The following NXPH1 variants were observed in gnomAD, a reference collection of about 807,000 sequenced individuals.
NXPH1 encodes the protein neurexophilin-1.
Under a neutral mutation model 23.7 loss-of-function variants are expected in NXPH1, and 5 were observed. That is an observed-to-expected ratio of 0.21 (90% CI 0.11 to 0.44). The LOEUF is 0.44. NXPH1 is among the 20% of genes least tolerant of loss of function. The pLI, the probability that NXPH1 is intolerant of heterozygous loss-of-function variation, is 0.99. For missense variants in NXPH1, 324 were observed against 321.6 expected, an observed-to-expected ratio of 1.01 and a Z score of -0.06; for synonymous variants, 144 against 122.2, an observed-to-expected ratio of 1.18 and a Z score of -1.18.
At chr7:8,748,686 C>T (rs1218930291) in intron 2 of NXPH1, among the ~76,000 whole-genome samples, 2 of 152,188 alleles carry the variant, frequency 1.3e-5, no homozygotes, top group African/African-American at 2.4e-5. Flanking sequence ...TGTACTCGAG[C>T]TAGCAGCCTC....
chr7:8,606,784 T>A (rs1819501956), intron 2 of NXPH1, among the ~76,000 whole-genome samples: 1 of 152,178 alleles, frequency 6.6e-6, no homozygotes, highest in African/African-American at 2.4e-5. Flanking sequence ...CAGAATGATA[T>A]TTGTAAATCA....
intron 2 of NXPH1, among the ~76,000 whole-genome samples, chr7:8,604,526 T>A (rs1383050941): frequency 3.9e-5 from 6 of 152,156 alleles, no homozygotes; most frequent in Admixed American, 1.3e-4. Context: ...ACATTTTTGG[T>A]TAAAATTGAC....
intron 2 of NXPH1, among the ~76,000 whole-genome samples, chr7:8,478,791 T>G (rs1313512745): frequency 6.6e-6 from 1 of 152,118 alleles, no homozygotes; most frequent in African/African-American, 2.4e-5. Flanking sequence ...TAGATTATTA[T>G]CAGACTTTTT....
At chr7:8,575,980 T>C (rs1237423337) in intron 2 of NXPH1, among the ~76,000 whole-genome samples, 1 of 152,168 alleles carries the variant, frequency 6.6e-6, no homozygotes, top group Non-Finnish European at 1.5e-5. Flanking sequence ...TCAAGATTAT[T>C]AGAGAGATTT....
At chr7:8,441,908 G>A (rs1448167989) in intron 2 of NXPH1, among the ~76,000 whole-genome samples, 1 of 151,406 alleles carries the variant, frequency 6.6e-6, no homozygotes, top group Admixed American at 6.6e-5. Flanking sequence ...TATTGATTGC[G>A]GAGGTGGGAG....
rs771216304 is a variant in NXPH1, at chr7:8,733,615, C to T, written c.55-17393C>T. 3.9e-5 allele frequency among the ~76,000 whole-genome samples: 6 copies of T among 152,116 alleles called. 1 individual carries two copies. The highest frequency in any genetic ancestry group is 4.1e-4 in the South Asian group (2 of 4,824). On this transcript the variant is annotated intron_variant, in intron 2 of 2. Coordinates refer to ENST00000405863, the MANE Select transcript of NXPH1 (RefSeq NM_152745.3). ...GTATCTCATTGTGGTTTTTAATTTG[C>T]ATTTCTCTAATGACCAGTGATGAGC... is the stretch of plus-strand genomic sequence containing the variant.
intron 2 of NXPH1, among the ~76,000 whole-genome samples, chr7:8,671,772 G>A (rs1372160694): frequency 6.6e-6 from 1 of 152,140 alleles, no homozygotes; most frequent in African/African-American, 2.4e-5. Context: ...AGTGTTTTAG[G>A]ATGGAATGAA....
rs567969913 is a variant in NXPH1, at chr7:8,601,819, A to C, written c.55-149189A>C. ...TCCTGTAACTCAGAGCCACAATGCT[A>C]TTCTAGGACCAGACTGCAGGATATT... On this transcript the variant is annotated intron_variant, in intron 2 of 2. Transcript: ENST00000405863. 7.9e-5 allele frequency among the ~76,000 whole-genome samples: 12 copies of C among 152,308 alleles called. No homozygotes were observed. In the Middle Eastern group the frequency reaches 0.01, roughly 130 times the overall value.
intron 2 of NXPH1, among the ~76,000 whole-genome samples, chr7:8,609,778 A>G (rs1353524549): frequency 6.6e-6 from 1 of 152,190 alleles, no homozygotes; most frequent in Non-Finnish European, 1.5e-5. Flanking sequence ...ATTTTTGTCT[A>G]TTAATTTTAA....
chr7:8,639,069 C>T (rs1011958939), intron 2 of NXPH1, among the ~76,000 whole-genome samples: 3 of 152,036 alleles, frequency 2.0e-5, no homozygotes, highest in Non-Finnish European at 4.4e-5. Context: ...GGCAAGCAGT[C>T]GATTACTGGT....
intron 2 of NXPH1, among the ~76,000 whole-genome samples, chr7:8,540,270 G>C (rs1432367080): frequency 6.6e-6 from 1 of 151,776 alleles, no homozygotes; most frequent in Middle Eastern, 3.2e-3. Context: ...GAATCTGAAA[G>C]AAGTAATCCA....
chr7:8,708,408 T>TAC (rs1236512921), intron 2 of NXPH1, among the ~76,000 whole-genome samples: 1 of 152,196 alleles, frequency 6.6e-6, no homozygotes, highest in African/African-American at 2.4e-5. Context: ...TTGCTCAGGC[T>TAC]ACAGTACAAT....
At chr7:8,671,993 A>G (rs1166467809) in intron 2 of NXPH1, among the ~76,000 whole-genome samples, 1 of 152,070 alleles carries the variant, frequency 6.6e-6, no homozygotes, top group African/African-American at 2.4e-5. Flanking sequence ...TAGATTCTGG[A>G]TATTAGCCCT....
chr7:8,660,164 A>G (rs1274877159), intron 2 of NXPH1, among the ~76,000 whole-genome samples: 2 of 152,246 alleles, frequency 1.3e-5, no homozygotes, highest in East Asian at 3.8e-4. Flanking sequence ...AATATTTTAT[A>G]TAAATTATTT....
At chr7:8,523,246 C>T (rs574323258) in intron 2 of NXPH1, among the ~76,000 whole-genome samples, 28 of 152,312 alleles carry the variant, frequency 1.8e-4, no homozygotes, top group African/African-American at 6.0e-4. Context: ...CCTATTGTTA[C>T]CTTTCACACT....
At position 8,751,377 on chromosome 7, in the gene NXPH1, G is replaced by A. The variant is rs1267612904; in HGVS notation, c.424G>A (p.Val142Ile). Reference sequence around the variant, plus strand: ...GAACCTGTTGATAACTGGGAAAATTGTAGATCATGGCAATGGGACATTTAG... The same window carrying A: ...GAACCTGTTGATAACTGGGAAAATTATAGATCATGGCAATGGGACATTTAG... ...KLNLLITGKIVDHGNGTFSVY... is the reference protein window; with the variant it reads ...KLNLLITGKIIDHGNGTFSVY... The change falls in exon 3 of 3, where the codon GTA (valine) becomes ATA (isoleucine). Residue 142 changes from valine (V) to isoleucine (I), a missense_variant. By Grantham distance (29) the Val-to-Ile change is conservative (BLOSUM62 3). Transcript: ENST00000405863. The surrounding 1 kb of genome is among the most constrained non-coding windows in gnomAD (Gnocchi z 4.5). 1 of 1,613,880 alleles carries A rather than the reference G, an allele frequency of 6.2e-7. No individual in the cohort carries two copies. Among genetic ancestry groups the A allele is most frequent in the South Asian group, 1.1e-5 (1 of 91,086 alleles).
At chr7:8,536,693 GAGA>G (rs151302584) in intron 2 of NXPH1, among the ~76,000 whole-genome samples, 11,849 of 151,972 alleles carry the variant, frequency 0.078, 629 homozygotes, top group Non-Finnish European at 0.11. Flanking sequence ...AAGGGGCCCA[GAGA>G]AGAAGAAGAG....
Position 8,434,206 on chromosome 7 carries a change from G to A in NXPH1, c.-660G>A, listed in dbSNP as rs1816148280. ...ACCCCACCCCTCCCTCAGAAACTCGGACTGCTCTCGTCTGCCGTGTGGTTC... is the reference window on the plus strand; with the variant it reads ...ACCCCACCCCTCCCTCAGAAACTCGAACTGCTCTCGTCTGCCGTGTGGTTC... On this transcript the variant is annotated 5_prime_UTR_variant, in exon 1 of 3. Transcript: ENST00000405863. The surrounding 1 kb of genome is among the most constrained non-coding windows in gnomAD (Gnocchi z 7.6). 1 of 153,242 alleles carries A rather than the reference G, an allele frequency of 6.5e-6. No homozygotes were observed. Among genetic ancestry groups the A allele is most frequent in the Non-Finnish European group, 1.5e-5 (1 of 68,586 alleles). The allele number at this position is 153,242 out of a possible 1,614,324, so 9.5% of individuals were successfully genotyped here.
At chr7:8,503,192 C>A (rs1490436911) in intron 2 of NXPH1, among the ~76,000 whole-genome samples, 1 of 151,992 alleles carries the variant, frequency 6.6e-6, no homozygotes, top group Admixed American at 6.6e-5. Context: ...AACTGGAACA[C>A]TTTTTAACAG....
Sources: gnomAD v4.1 joint callset for allele counts (sites outside exome capture counted in the v4.1 genomes callset) on GRCh38, gnomAD v4.1.1 for gene constraint, Gnocchi (gnomAD v3.1) non-coding constraint, MANE v1.5 for transcripts, NCBI Gene and HGNC (gene_info 2026-07-23, HGNC 2026-07-21) for gene names.